The following C21orf91 variants were observed in gnomAD, a reference collection of about 807,000 sequenced individuals.
C21orf91 encodes protein EURL homolog.
In C21orf91, 26 loss-of-function variants were observed where a neutral mutation model predicts 32.9. That is an observed-to-expected ratio of 0.79 (90% CI 0.58 to 1.10). The LOEUF (loss-of-function observed/expected upper bound fraction) is 1.10. Among genes scored for constraint, C21orf91 ranks in the 50% least tolerant of loss-of-function variants. The probability of loss-of-function intolerance (pLI) is 0.00; values close to 1 mark genes in which losing one functional copy is unlikely to be tolerated. For missense variants in C21orf91, 310 were observed against 341.3 expected (o/e 0.91, Z 0.72); for synonymous variants, 126 against 120.4 (o/e 1.05, Z -0.31).
chr21:17,801,517 G>C (rs144503341), intron 2 of C21orf91, among the ~76,000 whole-genome samples: 1 of 151,952 alleles, frequency 6.6e-6, no homozygotes, highest in Non-Finnish European at 1.5e-5. Flanking sequence ...TGATCCGCCC[G>C]CCTCGGCCTC....
chr21:17,809,900 A>G (rs1335383672), intron 2 of C21orf91, among the ~76,000 whole-genome samples: 1 of 152,188 alleles, frequency 6.6e-6, no homozygotes, highest in East Asian at 1.9e-4. Flanking sequence ...ATTTTGCCTT[A>G]CTGTTGTACA....
At chr21:17,814,547 T>G (rs1246965969) in intron 2 of C21orf91, among the ~76,000 whole-genome samples, 1 of 152,130 alleles carries the variant, frequency 6.6e-6, no homozygotes. Context: ...ACAAGAAGCA[T>G]GGTAGCATCA....
intron 2 of C21orf91, among the ~76,000 whole-genome samples, chr21:17,805,616 C>T (rs574291944): frequency 8.5e-5 from 13 of 152,188 alleles, no homozygotes; most frequent in Admixed American, 3.9e-4. Context: ...ACCCAGCTAG[C>T]GTACTGATAT....
At chr21:17,810,369 G>T (rs1438184839) in intron 2 of C21orf91, 1 of 152,204 alleles carries the variant, frequency 6.6e-6, no homozygotes, top group Non-Finnish European at 1.5e-5. Context: ...CAGAGGAACA[G>T]TATTTCTAAA....
In C21orf91 at chr21:17,793,802, A is replaced by G. The variant is rs112839550; in HGVS notation, c.728-221T>C. On this transcript the variant is annotated intron_variant, in intron 4 of 4. Coordinates refer to ENST00000284881, the MANE Select transcript of C21orf91 (RefSeq NM_001100420.2). ...GCCAAATGGAATTTGGCTCTTCTCC[A>G]TCAAGTGACTACAGAGATACACAGC... Among the ~76,000 whole-genome samples the G allele has an allele frequency of 2.5e-3, 375 of 152,282 alleles. 10 individuals carry two copies. In the East Asian group the frequency reaches 0.068, roughly 28 times the overall value.
At chr21:17,793,721 G>A in intron 4 of C21orf91, 140 bp from the exon 5 acceptor site, 1 of 621,092 alleles carries the variant, frequency 1.6e-6, no homozygotes, top group Non-Finnish European at 2.8e-6. Flanking sequence ...AAACAGTTCT[G>A]TTCTCTACAA....
intron 2 of C21orf91, among the ~76,000 whole-genome samples, chr21:17,803,259 G>A (rs922297908): frequency 1.3e-5 from 2 of 152,206 alleles, no homozygotes; most frequent in Admixed American, 6.5e-5. Context: ...GGTGGCTCAT[G>A]CCTATAATCC....
rs1302933539 is a variant in C21orf91, at chr21:17,791,136, AAACT to A, written c.*2275_*2278del. ...ACAGTAATTGCATATTTGATTAAGA[AAACT>A]AACATAGGACTAAATTATAAGTTTA... On this transcript the variant is annotated 3_prime_UTR_variant, in exon 5 of 5. Transcript: ENST00000284881. 4 of 152,130 alleles carry A rather than the reference AAACT, an allele frequency of 2.6e-5. No individual in the cohort carries two copies. Among genetic ancestry groups the A allele is most frequent in the East Asian group, 1.9e-4 (1 of 5,198 alleles). 9.4% of individuals were successfully genotyped at this position (152,130 alleles called of 1,614,324 possible).
At chr21:17,816,057 G>A (rs2062663334) in intron 2 of C21orf91, among the ~76,000 whole-genome samples, 1 of 152,204 alleles carries the variant, frequency 6.6e-6, no homozygotes, top group African/African-American at 2.4e-5. Flanking sequence ...ACACCAGATA[G>A]AGAAGAAATT....
rs986916387 is a variant in C21orf91 at position 17,793,262 on chromosome 21, T to C, written c.*153A>G. On this transcript the variant is annotated 3_prime_UTR_variant, in exon 5 of 5. Transcript: ENST00000284881. ...CCTAGAAGACTAGAGTATAATGATC[T>C]GCTTTATTTGACAAAGATGTTAAAT... 1.4e-5 allele frequency: 7 copies of C among 508,392 alleles called. No individual in the cohort carries two copies. The Admixed American group carries it at 2.5e-4, about 18-fold the overall frequency. 31.5% of individuals were successfully genotyped at this position (508,392 alleles called of 1,614,324 possible).
chr21:17,805,653 C>T (rs966107575), intron 2 of C21orf91, among the ~76,000 whole-genome samples: 3 of 152,106 alleles, frequency 2.0e-5, no homozygotes, highest in South Asian at 2.1e-4. Context: ...ACACTCACAA[C>T]AGTACGATAT....
chr21:17,806,237 G>A (rs1451043363), intron 2 of C21orf91, among the ~76,000 whole-genome samples: 1 of 152,172 alleles, frequency 6.6e-6, no homozygotes, highest in Non-Finnish European at 1.5e-5. Flanking sequence ...ACACGAACCT[G>A]CTTACTGCCT....
In C21orf91 at chr21:17,795,173, G is replaced by T. The variant is rs76024443; in HGVS notation, c.727+35C>A. The T allele has an allele frequency of 2.2e-3, 3,197 of 1,433,514 alleles. 103 individuals carry two copies. In the East Asian group the frequency reaches 0.065, roughly 29 times the overall value. 88.8% of individuals were successfully genotyped at this position (1,433,514 alleles called of 1,614,324 possible). ...TAGATGATTTTCTATGTCAAAATTTGTCACACACAAAAAAGTACTGACAGT... is the reference window on the plus strand; with the variant it reads ...TAGATGATTTTCTATGTCAAAATTTTTCACACACAAAAAAGTACTGACAGT... On this transcript the variant is annotated intron_variant, in intron 4 of 4. Coordinates refer to ENST00000284881, the MANE Select transcript of C21orf91 (RefSeq NM_001100420.2).
At chr21:17,810,627 G>A (rs1274639123) in intron 2 of C21orf91, 1 of 152,202 alleles carries the variant, frequency 6.6e-6, no homozygotes, top group African/African-American at 2.4e-5. Context: ...TCTCTCTCTT[G>A]AAAGAAAGGC....
At chr21:17,806,986 T>C (rs1236488637) in intron 2 of C21orf91, among the ~76,000 whole-genome samples, 2 of 152,236 alleles carry the variant, frequency 1.3e-5, no homozygotes, top group Non-Finnish European at 2.9e-5. Context: ...AGAATATCTA[T>C]GACTGATATT....
chr21:17,806,069 A>C (rs141696174), intron 2 of C21orf91, among the ~76,000 whole-genome samples: 1 of 152,366 alleles, frequency 6.6e-6, no homozygotes, highest in Non-Finnish European at 1.5e-5. Flanking sequence ...ATGAGGGCAC[A>C]CTATTATGAC....
rs1379218237 is a variant in C21orf91, at chr21:17,790,931, T to A, written c.*2484A>T. On this transcript the variant is annotated 3_prime_UTR_variant, in exon 5 of 5. Transcript: ENST00000284881. The stretch of plus-strand genomic sequence containing the variant: ...CATATAAGCTCTGAAAATTTAGTAA[T>A]GGATGACTGGCAGTCTGTTTTGCCA... 1 of 152,152 alleles carries A rather than the reference T, an allele frequency of 6.6e-6. No homozygotes were observed. Among genetic ancestry groups the A allele is most frequent in the Non-Finnish European group, 1.5e-5 (1 of 67,966 alleles). 9.4% of individuals were successfully genotyped at this position (152,152 alleles called of 1,614,324 possible). A position where few individuals can be genotyped will look rare whatever the true frequency, so the allele number is the denominator to read the frequency against.
At chr21:17,797,912 TTAAAAATA>T (rs1406628774) in intron 2 of C21orf91, among the ~76,000 whole-genome samples, 2 of 151,962 alleles carry the variant, frequency 1.3e-5, no homozygotes, top group Non-Finnish European at 2.9e-5. Flanking sequence ...CAATTGTTTT[TTAAAAATA>T]TAAAAATTAT....
At chr21:17,817,024 G>A (rs944691841) in intron 2 of C21orf91, among the ~76,000 whole-genome samples, 6 of 152,024 alleles carry the variant, frequency 3.9e-5, no homozygotes, top group African/African-American at 1.5e-4. Flanking sequence ...TTGCTATGTT[G>A]CCCAAACTGG....
Sources: allele counts gnomAD v4.1 joint callset (sites outside exome capture counted in the v4.1 genomes callset), GRCh38; gene constraint gnomAD v4.1.1; transcripts MANE v1.5; gene names NCBI Gene and HGNC (gene_info 2026-07-23, HGNC 2026-07-21).